The following COL25A1 variants were observed in gnomAD, a reference collection of about 807,000 sequenced individuals.
COL25A1 encodes the protein collagen alpha-1(XXV) chain.
In COL25A1, 103 loss-of-function variants were observed where a neutral mutation model predicts 128.4. The ratio of observed to expected loss-of-function variants is 0.80; its 90% CI spans 0.68 to 0.94. COL25A1 has a LOEUF of 0.94. COL25A1 is among the 40% of genes least tolerant of loss of function. The pLI, the probability that COL25A1 is intolerant of heterozygous loss-of-function variation, is 0.00. For missense variants in COL25A1, 745 were observed against 840.0 expected (o/e 0.89, Z 1.40); for synonymous variants, 279 against 277.2 (o/e 1.01, Z -0.06).
chr4:109,166,628 T>C (rs1193567098), intron 3 of COL25A1, among the ~76,000 whole-genome samples: 1 of 152,198 alleles, frequency 6.6e-6, no homozygotes, highest in Non-Finnish European at 1.5e-5. Flanking sequence ...TGCACTCCAC[T>C]GATCTGTGTA....
chr4:109,001,313 C>G (rs1009644788), intron 6 of COL25A1, among the ~76,000 whole-genome samples: 1 of 80,254 alleles, frequency 1.2e-5, no homozygotes, highest in African/African-American at 3.8e-5. Context: ...AGTGGCCAGA[C>G]AACAGGCATA....
intron 30 of COL25A1, among the ~76,000 whole-genome samples, chr4:108,843,116 T>A (rs1393486794): frequency 1.6e-5 from 2 of 124,344 alleles, no homozygotes; most frequent in Non-Finnish European, 3.1e-5. Context: ...GCCACTGTAC[T>A]CCAGCCTGGG....
At chr4:109,300,497 A>G (rs1272276121) in intron 3 of COL25A1, 86 bp downstream of exon 3, 1 of 882,174 alleles carries the variant, frequency 1.1e-6, no homozygotes, top group African/African-American at 1.7e-5. Context: ...CTTTACTATT[A>G]TTACAGGTAG....
intron 5 of COL25A1, among the ~76,000 whole-genome samples, chr4:109,010,848 T>C (rs1287407036): frequency 6.6e-6 from 1 of 152,244 alleles, no homozygotes; most frequent in East Asian, 1.9e-4. Context: ...TCAAGTCTCT[T>C]AACTTCTCAT....
Position 108,974,538 on chromosome 4 carries a change from C to A in COL25A1, c.460G>T (p.Asp154Tyr). 1 of 1,608,008 alleles carries A rather than the reference C, an allele frequency of 6.2e-7. No homozygotes were observed. The highest frequency in any genetic ancestry group is 8.5e-7 in the Non-Finnish European group (1 of 1,177,902). The change falls in exon 7 of 38, where the codon GAT (aspartate) becomes TAT (tyrosine). Residue 154 changes from aspartate (D) to tyrosine (Y), a missense_variant. Coordinates refer to ENST00000399132, the MANE Select transcript of COL25A1 (RefSeq NM_198721.4). ...TCTGGTATGCATTTTCTTACCTTATCGCCTTTTGGACCAGGAGGGCCCTGA... is the reference window on the plus strand; with the variant it reads ...TCTGGTATGCATTTTCTTACCTTATAGCCTTTTGGACCAGGAGGGCCCTGA... ...GPQGPPGPKG[D>Y]KGEQGDQGPR...
chr4:108,885,302 T>C (rs984969604), intron 18 of COL25A1, among the ~76,000 whole-genome samples: 2 of 152,186 alleles, frequency 1.3e-5, no homozygotes, highest in Non-Finnish European at 2.9e-5. Context: ...TGAAGCACCA[T>C]AGTTTGTTCT....
chr4:108,982,319 T>C (rs751215606), intron 6 of COL25A1, among the ~76,000 whole-genome samples: 150 of 152,326 alleles, frequency 9.8e-4, no homozygotes, highest in Non-Finnish European at 2.1e-3. Flanking sequence ...AGGTCTAATA[T>C]AGTCTACCTC....
intron 6 of COL25A1, among the ~76,000 whole-genome samples, chr4:108,993,030 T>C (rs748603829): frequency 6.6e-6 from 1 of 152,230 alleles, no homozygotes; most frequent in Non-Finnish European, 1.5e-5. Flanking sequence ...GGTTATCATG[T>C]TGTGGTGAGA....
At chr4:108,893,328 C>A (rs1433281225) in intron 16 of COL25A1, among the ~76,000 whole-genome samples, 6 of 152,128 alleles carry the variant, frequency 3.9e-5, no homozygotes, top group Non-Finnish European at 5.9e-5. Context: ...AGCACAAATA[C>A]CCCATTTCGC....
intron 3 of COL25A1, among the ~76,000 whole-genome samples, chr4:109,155,036 A>C (rs753968184): frequency 5.3e-5 from 8 of 152,182 alleles, no homozygotes; most frequent in Non-Finnish European, 7.3e-5. Context: ...GGAAGCTCTG[A>C]TATCACTTAA....
Position 109,302,028 on chromosome 4 carries a change from G to A in COL25A1, c.-9C>T, listed in dbSNP as rs781561752. ...TGCTTCTTCAGCAGCATCGTGGCGG[G>A]GTCGGCCGTCTCGGCTTCGCTTCCC... On this transcript the variant is annotated 5_prime_UTR_variant, in exon 2 of 38. Coordinates refer to ENST00000399132, the MANE Select transcript of COL25A1 (RefSeq NM_198721.4). 5.7e-6 allele frequency: 9 copies of A among 1,573,078 alleles called. No individual in the cohort carries two copies. The highest frequency in any genetic ancestry group is 1.8e-5 in the Admixed American group (1 of 56,706).
intron 3 of COL25A1, among the ~76,000 whole-genome samples, chr4:109,152,935 G>A (rs1578301114): frequency 6.6e-6 from 1 of 152,008 alleles, no homozygotes; most frequent in East Asian, 1.9e-4. Flanking sequence ...TGGGGAAGAC[G>A]CAAAAATTCT....
At chr4:109,087,033 T>A (rs1014288240) in intron 3 of COL25A1, among the ~76,000 whole-genome samples, 1 of 152,040 alleles carries the variant, frequency 6.6e-6, no homozygotes, top group Non-Finnish European at 1.5e-5. Flanking sequence ...CTGTGTGGGA[T>A]CCCTCCTACT....
At chr4:109,077,654 A>T (rs915441352) in intron 3 of COL25A1, among the ~76,000 whole-genome samples, 6 of 152,206 alleles carry the variant, frequency 3.9e-5, no homozygotes, top group Non-Finnish European at 5.9e-5. Context: ...TGGATACATG[A>T]TGTCAACCGT....
intron 8 of COL25A1, among the ~76,000 whole-genome samples, chr4:108,967,947 G>A (rs903081461): frequency 3.9e-5 from 6 of 152,038 alleles, no homozygotes; most frequent in South Asian, 2.1e-4. Context: ...CTTTACGCCC[G>A]GATACTCTAT....
chr4:108,976,018 C>T (rs1344222980), intron 6 of COL25A1, among the ~76,000 whole-genome samples: 1 of 152,126 alleles, frequency 6.6e-6, no homozygotes. Context: ...CATTCTCTTA[C>T]AGGTGTTTTT....
intron 8 of COL25A1, among the ~76,000 whole-genome samples, chr4:108,972,662 G>A (rs983300750): frequency 6.6e-6 from 1 of 152,116 alleles, no homozygotes. Context: ...AAAATACAGA[G>A]GAAAATGAGA....
intron 3 of COL25A1, among the ~76,000 whole-genome samples, chr4:109,117,317 C>A (rs1396528061): frequency 3.9e-5 from 6 of 151,958 alleles, no homozygotes; most frequent in African/African-American, 1.4e-4. Flanking sequence ...CGTCCAATTT[C>A]TTCTCAGAAC....
chr4:109,050,177 G>A lies in COL25A1; in HGVS notation c.370C>T (p.Pro124Ser), dbSNP rs1302742624. 3 of 1,606,000 alleles carry A rather than the reference G, an allele frequency of 1.9e-6. No individual in the cohort carries two copies. The highest frequency in any genetic ancestry group is 2.6e-6 in the Non-Finnish European group (3 of 1,175,114). ...CCTCTCTTACCTCGTTTCCCTGGAG[G>A]GCCTGAAATACAAAGGATAATTTTT... is the stretch of plus-strand genomic sequence containing the variant. ...APSECNCPAG[P>S]PGKRGKRGRR... The change falls in exon 4 of 38, where the codon CCT (proline) becomes TCT (serine). Residue 124 changes from proline to serine, a missense_variant and splice_region_variant. Physicochemically the swap from Pro to Ser is moderately conservative, Grantham distance 74. Coordinates refer to ENST00000399132, the MANE Select transcript of COL25A1 (RefSeq NM_198721.4).
Sources: gnomAD v4.1 joint callset for allele counts (sites outside exome capture counted in the v4.1 genomes callset) on GRCh38, gnomAD v4.1.1 for gene constraint, MANE v1.5 for transcripts, NCBI Gene and HGNC (gene_info 2026-07-23, HGNC 2026-07-21) for gene names.